The following KIF21B variants were observed in gnomAD, a reference collection of about 807,000 sequenced individuals.
KIF21B encodes the protein kinesin-like protein KIF21B.
In KIF21B, 85 loss-of-function variants were observed where a neutral mutation model predicts 192.9. The ratio of observed to expected loss-of-function variants is 0.44; its 90% confidence interval spans 0.37 to 0.53. The LOEUF is 0.53. KIF21B is among the 20% of genes least tolerant of loss of function. The probability of loss-of-function intolerance (pLI) is 0.00; values close to 1 mark genes in which losing one functional copy is unlikely to be tolerated. For synonymous variants in KIF21B, 832 were observed against 884.6 expected (o/e 0.94, Z 1.05); for missense variants, 1,716 against 2,194.8 (o/e 0.78, Z 4.36).
At position 201,002,356 on chromosome 1, in the gene KIF21B, A is replaced by G; in HGVS notation, c.1213-6T>C. On this transcript the variant is annotated splice_region_variant and splice_polypyrimidine_tract_variant and intron_variant, in intron 8 of 34. Transcript: ENST00000461742. ...TCTCCTATCACTCGCTTGCCCTGGG[A>G]GCAGGGGCAAAGGGGAGCAGTCAGG... 1 of 1,609,862 alleles carries G rather than the reference A, an allele frequency of 6.2e-7. No homozygotes were observed. Among genetic ancestry groups the G allele is most frequent in the Non-Finnish European group, 8.5e-7 (1 of 1,176,448 alleles).
Position 200,999,907 on chromosome 1 carries a change from C to T in KIF21B, c.1743G>A (p.Glu581=). ...CCTCCTCCGCCTCGTTCTCATCCGT[C>T]TCCTCGCTGTTCTCCTGTTGGAGTT... ...RAKLQQENSE[E]TDENEAEEEE... The change falls in exon 12 of 35, where the codon GAG becomes GAA. Residue 581 remains glutamate (E), a synonymous_variant. Coordinates refer to ENST00000461742, the MANE Select transcript of KIF21B (RefSeq NM_001252102.2). The surrounding 1 kb of genome is among the most constrained non-coding windows in gnomAD (Gnocchi z 4.7). 6.2e-7 allele frequency: 1 copy of T among 1,614,028 alleles called. No individual in the cohort carries two copies. The highest frequency in any genetic ancestry group is 8.5e-7 in the Non-Finnish European group (1 of 1,180,030).
At chr1:201,014,145 C>A (rs1329444891) in intron 1 of KIF21B, among the ~76,000 whole-genome samples, 2 of 152,224 alleles carry the variant, frequency 1.3e-5, no homozygotes, top group Non-Finnish European at 2.9e-5. Flanking sequence ...GCACAGGCAG[C>A]GAAGTTGCTG....
Position 200,990,183 on chromosome 1 carries a change from G to A in KIF21B, c.2985C>T (p.Gly995=). The change falls in exon 20 of 35, where the codon GGC becomes GGT. Residue 995 remains glycine (G), a synonymous_variant. Coordinates refer to ENST00000461742, the MANE Select transcript of KIF21B (RefSeq NM_001252102.2). The surrounding 1 kb of genome is among the most constrained non-coding windows in gnomAD (Gnocchi z 5.4). The part of the protein sequence containing the change: ...LAANIDYIND[G]ITDCQATIVQ... ...CGATGGTGGCCTGGCAGTCGGTGATGCCGTCATTGATGTAGTCAATGTTGG... is the reference window on the plus strand; with the variant it reads ...CGATGGTGGCCTGGCAGTCGGTGATACCGTCATTGATGTAGTCAATGTTGG... 6.2e-7 allele frequency: 1 copy of A among 1,614,040 alleles called. No individual in the cohort carries two copies. The highest frequency in any genetic ancestry group is 8.5e-7 in the Non-Finnish European group (1 of 1,179,994).
chr1:200,977,079 G>C, intron 31 of KIF21B, 133 bp downstream of exon 31: 1 of 1,141,406 alleles, frequency 8.8e-7, no homozygotes, highest in Non-Finnish European at 1.3e-6. Flanking sequence ...AGAGGGCACA[G>C]GCCCAGCAGC....
At chr1:200,989,911 A>G (rs907577963) in intron 21 of KIF21B, 31 bp downstream of exon 21, 6 of 1,547,324 alleles carry the variant, frequency 3.9e-6, no homozygotes, top group Middle Eastern at 1.7e-4. Flanking sequence ...GTGCCCATAG[A>G]GCCCCCTGCC....
chr1:200,984,333 G>C (rs753210885), intron 27 of KIF21B, among the ~76,000 whole-genome samples: 2 of 152,234 alleles, frequency 1.3e-5, no homozygotes, highest in Non-Finnish European at 2.9e-5. Context: ...GAGAAAGCCT[G>C]AATGCAGGGG....
At position 201,017,522 on chromosome 1, in the gene KIF21B, CAG is replaced by C. The variant is rs1441817255; in HGVS notation, c.41+5819_41+5820del. On this transcript the variant is annotated intron_variant, in intron 1 of 34. Coordinates refer to ENST00000461742, the MANE Select transcript of KIF21B (RefSeq NM_001252102.2). The surrounding 1 kb of genome is among the most constrained non-coding windows in gnomAD (Gnocchi z 4.1). ...ACCTCCCCAGAGACAGGAGACGCTG[CAG>C]AGTCAGGCTTCGCCCAGAGCCCAGA... 6.6e-6 allele frequency among the ~76,000 whole-genome samples: 1 copy of C among 152,254 alleles called. No homozygotes were observed. Among genetic ancestry groups the C allele is most frequent in the African/African-American group, 2.4e-5 (1 of 41,470 alleles).
intron 8 of KIF21B, 30 bp downstream of exon 8, chr1:201,003,556 G>C: frequency 6.2e-7 from 1 of 1,609,346 alleles, no homozygotes; most frequent in Non-Finnish European, 8.5e-7. Flanking sequence ...TCCAAGGGGA[G>C]TGCTGGGCAA....
In KIF21B at chr1:200,972,091, TCCCC is replaced by T. The variant is rs953292852; in HGVS notation, c.*1426_*1429del. On this transcript the variant is annotated 3_prime_UTR_variant, in exon 35 of 35. Coordinates refer to ENST00000461742, the MANE Select transcript of KIF21B (RefSeq NM_001252102.2). ...GGCGGGGGAGAGGGATGGAGCTCAG[TCCCC>T]CCCAAGGCCCACTCCTGTAATTCCA... 2.0e-5 allele frequency: 3 copies of T among 150,352 alleles called. No individual in the cohort carries two copies. Among genetic ancestry groups the T allele is most frequent in the Non-Finnish European group, 4.4e-5 (3 of 67,554 alleles). 9.3% of individuals were successfully genotyped at this position (150,352 alleles called of 1,614,324 possible).
At chr1:201,016,453 C>T (rs957781541) in intron 1 of KIF21B, among the ~76,000 whole-genome samples, 10 of 152,326 alleles carry the variant, frequency 6.6e-5, no homozygotes, top group East Asian at 5.8e-4. Context: ...GTCTACACCC[C>T]CACTTTAATG....
chr1:200,999,840 C>CA lies in KIF21B; in HGVS notation c.1767+42dup. ...GCCCCCGCCAACCCCAGCAGGGACA[C>CA]AAGGCATGCATGTGGTGAGGTGGGG... On this transcript the variant is annotated intron_variant, in intron 12 of 34. Coordinates refer to ENST00000461742, the MANE Select transcript of KIF21B (RefSeq NM_001252102.2). The surrounding 1 kb of genome is among the most constrained non-coding windows in gnomAD (Gnocchi z 4.7). 6.2e-7 allele frequency: 1 copy of CA among 1,604,542 alleles called. No individual in the cohort carries two copies.
Position 201,000,821 on chromosome 1 carries a change from TA to T in KIF21B, c.1403-42del. ...GGGAAGAAGGGTGCGATAAAGAAGA[TA>T]AATAGGCCAGCGCGGTGGCTCAGAC... On this transcript the variant is annotated intron_variant, in intron 9 of 34. Coordinates refer to ENST00000461742, the MANE Select transcript of KIF21B (RefSeq NM_001252102.2). This position sits in a 1 kb window ranked among gnomAD's most constrained non-coding sequence, Gnocchi z 6.0. 6.2e-7 allele frequency: 1 copy of T among 1,607,520 alleles called. No individual in the cohort carries two copies. The highest frequency in any genetic ancestry group is 8.5e-7 in the Non-Finnish European group (1 of 1,174,208).
At position 201,005,672 on chromosome 1, in the gene KIF21B, T is replaced by G. The variant is rs1571956668; in HGVS notation, c.470A>C (p.Asp157Ala). The change falls in exon 4 of 35, where the codon GAC becomes GCC. Residue 157 changes from aspartate to alanine, a missense_variant. Coordinates refer to ENST00000461742, the MANE Select transcript of KIF21B (RefSeq NM_001252102.2). ...AGGGTCACGGGTGCTGTCAAACAGG[T>G]CAAGGATCTCCTCGTTGTAGAGCTG... is the stretch of plus-strand genomic sequence containing the variant. ...FLELYNEEILDLFDSTRDPDT... is the reference protein window; with the variant it reads ...FLELYNEEILALFDSTRDPDT... 6.2e-7 allele frequency: 1 copy of G among 1,614,088 alleles called. No individual in the cohort carries two copies. Among genetic ancestry groups the G allele is most frequent in the Non-Finnish European group, 8.5e-7 (1 of 1,180,018 alleles).
At chr1:200,988,180 G>T in intron 24 of KIF21B, 116 bp downstream of exon 24, 1 of 1,075,230 alleles carries the variant, frequency 9.3e-7, no homozygotes, top group Non-Finnish European at 1.4e-6. Flanking sequence ...CTCCCTCCCA[G>T]CTGGGGACAA....
At chr1:201,006,548 G>C (rs1218683450) in intron 3 of KIF21B, among the ~76,000 whole-genome samples, 3 of 152,136 alleles carry the variant, frequency 2.0e-5, no homozygotes, top group Admixed American at 2.0e-4. Flanking sequence ...CATGAATGGG[G>C]AAGAGGAGAT....
intron 15 of KIF21B, among the ~76,000 whole-genome samples, chr1:200,994,093 C>G (rs929469343): frequency 3.3e-5 from 5 of 152,208 alleles, no homozygotes; most frequent in African/African-American, 1.2e-4. Flanking sequence ...CTATGTCTTC[C>G]TGGTCAAAGA....
rs1656038810 is a variant in KIF21B, at chr1:200,982,937, G to A, written c.3842+119C>T. 3.5e-6 allele frequency: 3 copies of A among 865,472 alleles called. No individual in the cohort carries two copies. The highest frequency in any genetic ancestry group is 1.9e-6 in the Non-Finnish European group (1 of 537,536). The allele number at this position is 865,472 out of a possible 1,614,324, so 53.6% of individuals were successfully genotyped here. A position where few individuals can be genotyped will look rare whatever the true frequency, so the allele number is the denominator to read the frequency against. On this transcript the variant is annotated intron_variant, in intron 28 of 34. Transcript: ENST00000461742. This position sits in a 1 kb window ranked among gnomAD's most constrained non-coding sequence, Gnocchi z 4.7. The stretch of plus-strand genomic sequence containing the variant: ...AGAGGGGGGCAGCAGGAAGGGGAGT[G>A]GAGGGGCCGCATGCTGAGGACACGG...
intron 34 of KIF21B, 68 bp from the exon 35 acceptor site, chr1:200,973,646 A>G: frequency 5.3e-6 from 8 of 1,517,280 alleles, no homozygotes; most frequent in Non-Finnish European, 6.1e-6. Context: ...GCTGCCCCCA[A>G]AAGTAGAGGA....
chr1:200,974,630 AG>A, intron 34 of KIF21B, 83 bp downstream of exon 34: 1 of 1,423,778 alleles, frequency 7.0e-7, no homozygotes, highest in Non-Finnish European at 9.8e-7. Context: ...GGACAACTGC[AG>A]GGCCCTGAGC....
Sources: allele counts gnomAD v4.1 joint callset (sites outside exome capture counted in the v4.1 genomes callset), GRCh38; gene constraint gnomAD v4.1.1; non-coding constraint Gnocchi (gnomAD v3.1); transcripts MANE v1.5; gene names NCBI Gene and HGNC (gene_info 2026-07-23, HGNC 2026-07-21).